Variants in VWA8 observed in about 807,000 individuals in gnomAD.
VWA8 encodes the protein von Willebrand factor A domain containing 8.
Under a neutral mutation model 241.5 loss-of-function variants are expected in VWA8, and 221 were observed. The ratio of observed to expected loss-of-function variants is 0.91; its 90% CI spans 0.82 to 1.02. The LOEUF (loss-of-function observed/expected upper bound fraction) is 1.02, where lower values mean the gene tolerates loss of function less well. Ranked by LOEUF, VWA8 falls within the 50% of genes least tolerant of loss-of-function variation. The pLI is 0.00. For missense variants in VWA8, 2,322 were observed against 2,328.7 expected (o/e 1.00, Z 0.06); for synonymous variants, 852 against 827.1 (o/e 1.03, Z -0.52).
intron 21 of VWA8, among the ~76,000 whole-genome samples, chr13:41,752,846 C>T (rs372064613): frequency 6.6e-6 from 1 of 152,130 alleles, no homozygotes; most frequent in Non-Finnish European, 1.5e-5. Flanking sequence ...GAAATTAAGA[C>T]TCAAGGAGTT....
chr13:41,573,124 A>AG (rs1480909749), intron 43 of VWA8, among the ~76,000 whole-genome samples: 61 of 149,936 alleles, frequency 4.1e-4, no homozygotes, highest in African/African-American at 1.3e-3. Context: ...AAAAAAAAAA[A>AG]AAAGAAACAA....
At chr13:41,793,015 A>C (rs1256348283) in intron 17 of VWA8, among the ~76,000 whole-genome samples, 1 of 152,144 alleles carries the variant, frequency 6.6e-6, no homozygotes, top group Non-Finnish European at 1.5e-5. Context: ...ACTTGCTAAA[A>C]GTGCTGAAAG....
At chr13:41,591,122 T>C (rs2044451762) in intron 40 of VWA8, among the ~76,000 whole-genome samples, 1 of 152,356 alleles carries the variant, frequency 6.6e-6, no homozygotes, top group African/African-American at 2.4e-5. Context: ...TTGAATTTGT[T>C]AACATTGTCT....
chr13:41,839,920 A>C (rs751483047), intron 12 of VWA8, among the ~76,000 whole-genome samples: 1 of 152,210 alleles, frequency 6.6e-6, no homozygotes, highest in Non-Finnish European at 1.5e-5. Context: ...AGACAATGGT[A>C]GCTTGATGGG....
intron 1 of VWA8, among the ~76,000 whole-genome samples, chr13:41,954,162 C>T (rs1175301098): frequency 1.2e-4 from 19 of 152,132 alleles, no homozygotes; most frequent in Admixed American, 1.2e-3. Flanking sequence ...ATACCAATGT[C>T]CCAACTCTGA....
At chr13:41,798,725 T>C (rs933570896) in intron 17 of VWA8, among the ~76,000 whole-genome samples, 1 of 152,148 alleles carries the variant, frequency 6.6e-6, no homozygotes, top group African/African-American at 2.4e-5. Flanking sequence ...TGAACAATTA[T>C]TCTCCCTCAG....
In VWA8 at chr13:41,891,509, C is replaced by G; in HGVS notation, c.562G>C (p.Val188Leu). The change falls in exon 5 of 45, where the codon GTT becomes CTT. Residue 188 changes from valine to leucine, a missense_variant. Transcript: ENST00000379310. Reference protein sequence around the residue: ...LEKAERNVLPVLNNLLENREM... With the variant: ...LEKAERNVLPLLNNLLENREM... ...CTGTTTTCCAGCAAGTTGTTCAAAA[C>G]AGGCAAAACATTCCTCTCTGCCTTT... is the stretch of plus-strand genomic sequence containing the variant. 1.9e-6 allele frequency: 3 copies of G among 1,614,224 alleles called. No homozygotes were observed. The highest frequency in any genetic ancestry group is 1.7e-6 in the Non-Finnish European group (2 of 1,180,030).
chr13:41,642,616 T>C (rs2044803671), intron 37 of VWA8, among the ~76,000 whole-genome samples: 1 of 151,544 alleles, frequency 6.6e-6, no homozygotes, highest in Admixed American at 6.6e-5. Context: ...GCAGAATCTT[T>C]TGAATTTTGA....
At chr13:41,907,783 C>T (rs565760993) in intron 3 of VWA8, 87 bp from the exon 4 acceptor site, 6 of 1,157,080 alleles carry the variant, frequency 5.2e-6, no homozygotes, top group Non-Finnish European at 7.7e-6. Context: ...AATGCCATTG[C>T]CCATGAGAAG....
intron 9 of VWA8, among the ~76,000 whole-genome samples, chr13:41,872,180 G>C (rs1566489127): frequency 6.6e-6 from 1 of 152,058 alleles, no homozygotes; most frequent in Non-Finnish European, 1.5e-5. Flanking sequence ...AAATTTGTTT[G>C]AGTTCTTTGT....
At chr13:41,852,393 TTC>T (rs566054398) in intron 12 of VWA8, among the ~76,000 whole-genome samples, 108 of 152,334 alleles carry the variant, frequency 7.1e-4, no homozygotes, top group African/African-American at 2.5e-3. Flanking sequence ...AGACTGACTC[TTC>T]TCTGTTGATT....
At chr13:41,723,547 T>C (rs1031301962) in intron 24 of VWA8, among the ~76,000 whole-genome samples, 4 of 152,152 alleles carry the variant, frequency 2.6e-5, no homozygotes, top group African/African-American at 9.7e-5. Flanking sequence ...GTGGCTCAGA[T>C]CATAATGGTG....
chr13:41,889,160 ATGG>A, intron 5 of VWA8, among the ~76,000 whole-genome samples: 1 of 152,296 alleles, frequency 6.6e-6, no homozygotes, highest in South Asian at 2.1e-4. Flanking sequence ...GGCTTAAGTT[ATGG>A]TGTTAGAATC....
intron 40 of VWA8, among the ~76,000 whole-genome samples, chr13:41,593,850 A>G (rs1318970221): frequency 1.3e-5 from 2 of 152,210 alleles, no homozygotes; most frequent in Non-Finnish European, 2.9e-5. Flanking sequence ...GCAGCCATTA[A>G]AGTGGCATGG....
At chr13:41,882,212 C>G (rs1299083581) in intron 9 of VWA8, among the ~76,000 whole-genome samples, 1 of 150,862 alleles carries the variant, frequency 6.6e-6, no homozygotes, top group Admixed American at 6.6e-5. Flanking sequence ...GATGGGCGGC[C>G]GGGCAGAGAC....
intron 1 of VWA8, 23 bp downstream of exon 1, chr13:41,960,830 G>T: frequency 6.6e-7 from 1 of 1,514,474 alleles, no homozygotes; most frequent in South Asian, 1.2e-5. Context: ...CACCAGGGAG[G>T]ACAGGGGCGC....
At position 41,945,439 on chromosome 13, in the gene VWA8, T is replaced by C. The variant is rs114491378; in HGVS notation, c.241+4497A>G. ...AGAAAAAAGGAGTCAATAAAAACTA[T>C]CTCTGAGTAAACCAGACATTTGACT... On this transcript the variant is annotated intron_variant, in intron 2 of 44. Coordinates refer to ENST00000379310, the MANE Select transcript of VWA8 (RefSeq NM_015058.2). 9.1e-3 allele frequency among the ~76,000 whole-genome samples: 1,387 copies of C among 152,196 alleles called. 19 individuals are homozygous for C. Among genetic ancestry groups the C allele is most frequent in the African/African-American group, 0.032 (1,332 of 41,528 alleles).
chr13:41,926,991 G>A lies in VWA8; in HGVS notation c.242-14823C>T, dbSNP rs188959570. On this transcript the variant is annotated intron_variant, in intron 2 of 44. Transcript: ENST00000379310. ...CTGTGATCATCCACAGATAATGAGCGCTATGGCAAATGGCACCGCTCTAAA... is the reference window on the plus strand; with the variant it reads ...CTGTGATCATCCACAGATAATGAGCACTATGGCAAATGGCACCGCTCTAAA... 1.7e-4 allele frequency: 79 copies of A among 462,124 alleles called. No homozygotes were observed. The East Asian group carries it at 3.7e-3, about 22-fold the overall frequency. 28.6% of individuals were successfully genotyped at this position (462,124 alleles called of 1,614,324 possible). A position where few individuals can be genotyped will look rare whatever the true frequency, so the allele number is the denominator to read the frequency against.
chr13:41,678,013 G>A (rs775235587), intron 35 of VWA8, among the ~76,000 whole-genome samples: 2 of 152,120 alleles, frequency 1.3e-5, no homozygotes, highest in African/African-American at 2.4e-5. Flanking sequence ...CATATTTTGC[G>A]CCAGACATCA....
Sources: allele counts gnomAD v4.1 joint callset (sites outside exome capture counted in the v4.1 genomes callset), GRCh38; gene constraint gnomAD v4.1.1; transcripts MANE v1.5; gene names NCBI Gene and HGNC (gene_info 2026-07-23, HGNC 2026-07-21).